Variants in ULK4 observed in about 807,000 individuals in gnomAD.
ULK4 encodes the protein unc-51 like kinase 4, also known as inactive serine/threonine-protein kinase ULK4.
Under a neutral mutation model 160.6 loss-of-function variants are expected in ULK4, and 133 were observed. The ratio of observed to expected loss-of-function variants is 0.83; its 90% CI spans 0.72 to 0.96. The LOEUF (loss-of-function observed/expected upper bound fraction) is 0.96. ULK4 is among the 40% of genes least tolerant of loss of function. The pLI is 0.00. For missense variants in ULK4, 1,580 were observed against 1,499.5 expected (o/e 1.05, Z -0.89); for synonymous variants, 534 against 539.8 (o/e 0.99, Z 0.15).
intron 35 of ULK4, among the ~76,000 whole-genome samples, chr3:41,319,102 T>C (rs1392010631): frequency 6.6e-6 from 1 of 152,240 alleles, no homozygotes; most frequent in African/African-American, 2.4e-5. Flanking sequence ...GGTCTTTATT[T>C]TACTTACATG....
Position 41,756,271 on chromosome 3 carries a change from G to A in ULK4, c.2194-1783C>T, listed in dbSNP as rs537390627. On this transcript the variant is annotated intron_variant, in intron 21 of 36. Coordinates refer to ENST00000301831, the MANE Select transcript of ULK4 (RefSeq NM_017886.4). ...TTCTATGCACCATTATATCTTTCCT[G>A]AATTACTACAATCGGCTTTATCTAA... is the stretch of plus-strand genomic sequence containing the variant. Among the ~76,000 whole-genome samples the A allele has an allele frequency of 3.3e-5, 5 of 152,118 alleles. No individual in the cohort carries two copies. In the South Asian group the frequency reaches 1.0e-3, roughly 32 times the overall value.
chr3:41,644,046 T>C (rs2034365294), intron 30 of ULK4, among the ~76,000 whole-genome samples: 1 of 152,228 alleles, frequency 6.6e-6, no homozygotes, highest in African/African-American at 2.4e-5. Flanking sequence ...TGATTTTGTA[T>C]CCTGAGACTT....
intron 27 of ULK4, among the ~76,000 whole-genome samples, chr3:41,688,936 C>A (rs975561864): frequency 1.3e-5 from 2 of 152,196 alleles, no homozygotes; most frequent in Non-Finnish European, 2.9e-5. Flanking sequence ...AAAACCACAA[C>A]CTCTGTAGCC....
intron 31 of ULK4, among the ~76,000 whole-genome samples, chr3:41,612,021 T>A (rs2032705037): frequency 6.6e-6 from 1 of 151,730 alleles, no homozygotes. Flanking sequence ...AAAATAAAAA[T>A]AACAATACAA....
At chr3:41,463,804 T>C (rs2083755171) in intron 32 of ULK4, among the ~76,000 whole-genome samples, 1 of 152,184 alleles carries the variant, frequency 6.6e-6, no homozygotes, top group South Asian at 2.1e-4. Context: ...GATGTTTAGT[T>C]TGATATAGTC....
At chr3:41,436,584 A>T (rs1157976817) in intron 34 of ULK4, among the ~76,000 whole-genome samples, 1 of 152,190 alleles carries the variant, frequency 6.6e-6, no homozygotes. Flanking sequence ...TACATCTCTC[A>T]AATGAACAGG....
At chr3:41,904,166 C>G in intron 12 of ULK4, among the ~76,000 whole-genome samples, 1 of 152,088 alleles carries the variant, frequency 6.6e-6, no homozygotes, top group East Asian at 1.9e-4. Flanking sequence ...AGCACAGTGG[C>G]TCACACCTGT....
rs532065891 is a variant in ULK4, at chr3:41,752,904, T to C, written c.2321+1457A>G. On this transcript the variant is annotated intron_variant, in intron 22 of 36. Coordinates refer to ENST00000301831, the MANE Select transcript of ULK4 (RefSeq NM_017886.4). Reference sequence around the variant, plus strand: ...AAATTTCATTCAGTTAATATTGGTATATTTTTATGTCAATAAAAAACATGT... The same window carrying C: ...AAATTTCATTCAGTTAATATTGGTACATTTTTATGTCAATAAAAAACATGT... Among the ~76,000 whole-genome samples the C allele has an allele frequency of 3.3e-4, 50 of 152,346 alleles. 1 individual carries two copies. The South Asian group carries it at 9.5e-3, about 29-fold the overall frequency.
intron 34 of ULK4, among the ~76,000 whole-genome samples, chr3:41,430,390 T>C (rs1019299800): frequency 6.6e-6 from 1 of 152,210 alleles, no homozygotes; most frequent in African/African-American, 2.4e-5. Flanking sequence ...AATGAGTTTG[T>C]CTATAGTTTT....
chr3:41,777,729 G>A (rs1403277535), intron 21 of ULK4, among the ~76,000 whole-genome samples: 15 of 129,612 alleles, frequency 1.2e-4, no homozygotes, highest in South Asian at 2.5e-4. Flanking sequence ...GTAGTTGAGC[G>A]GCTTTGAGTG....
chr3:41,783,972 A>T (rs2039927840), intron 21 of ULK4, among the ~76,000 whole-genome samples: 1 of 152,196 alleles, frequency 6.6e-6, no homozygotes, highest in Non-Finnish European at 1.5e-5. Flanking sequence ...AAGGATTAGT[A>T]AATAAACTCA....
chr3:41,819,615 T>G, intron 18 of ULK4, 109 bp from the exon 19 acceptor site: 1 of 876,862 alleles, frequency 1.1e-6, no homozygotes, highest in Non-Finnish European at 1.7e-6. Flanking sequence ...TAAAACTTAA[T>G]AGTCTATTTA....
At chr3:41,835,240 C>T (rs1041734617) in intron 18 of ULK4, among the ~76,000 whole-genome samples, 1 of 152,106 alleles carries the variant, frequency 6.6e-6, no homozygotes, top group Non-Finnish European at 1.5e-5. Flanking sequence ...ATGACATAAC[C>T]TCCTTAATTA....
intron 27 of ULK4, among the ~76,000 whole-genome samples, chr3:41,698,871 C>T (rs12108090): frequency 0.19 from 28,936 of 152,058 alleles, 7,380 homozygotes; most frequent in African/African-American, 0.58. Flanking sequence ...CTATTCTTAA[C>T]TTTTTTGCAA....
At chr3:41,821,877 C>T (rs2041158074) in intron 18 of ULK4, among the ~76,000 whole-genome samples, 3 of 152,154 alleles carry the variant, frequency 2.0e-5, no homozygotes, top group South Asian at 4.2e-4. Flanking sequence ...TTACCAGTGA[C>T]TTTCATGTCA....
At chr3:41,733,984 G>A (rs534125057) in intron 22 of ULK4, among the ~76,000 whole-genome samples, 1 of 152,056 alleles carries the variant, frequency 6.6e-6, no homozygotes, top group South Asian at 2.1e-4. Context: ...TGATCCACCT[G>A]CCTTGGCCTC....
At chr3:41,254,481 G>C (rs931843896) in intron 35 of ULK4, among the ~76,000 whole-genome samples, 3 of 152,196 alleles carry the variant, frequency 2.0e-5, no homozygotes, top group African/African-American at 7.2e-5. Context: ...GCATCTGGAA[G>C]GGGGCTAAAG....
chr3:41,335,916 T>A (rs879081372), intron 35 of ULK4, among the ~76,000 whole-genome samples: 1 of 152,232 alleles, frequency 6.6e-6, no homozygotes, highest in Non-Finnish European at 1.5e-5. Flanking sequence ...AAGAAATAGT[T>A]AACCTGTGAA....
chr3:41,252,682 G>A (rs1298541833), intron 35 of ULK4, among the ~76,000 whole-genome samples: 1 of 149,822 alleles, frequency 6.7e-6, no homozygotes, highest in Non-Finnish European at 1.5e-5. Flanking sequence ...ATAGCAATAA[G>A]TTTTTGTCAT....
Sources: allele counts gnomAD v4.1 joint callset (sites outside exome capture counted in the v4.1 genomes callset), GRCh38; gene constraint gnomAD v4.1.1; transcripts MANE v1.5; gene names NCBI Gene and HGNC (gene_info 2026-07-23, HGNC 2026-07-21).